ADAMTS17: variants seen among roughly 807,000 people sequenced by gnomAD.
ADAMTS17 encodes A disintegrin and metalloproteinase with thrombospondin motifs 17.
ADAMTS17 carries 113 observed loss-of-function variants against 141.5 expected under a neutral mutation model. The ratio of observed to expected loss-of-function variants is 0.80; its 90% CI spans 0.69 to 0.93. The LOEUF (loss-of-function observed/expected upper bound fraction) is 0.93. Among genes scored for constraint, ADAMTS17 ranks in the 40% least tolerant of loss-of-function variants. ADAMTS17 has a pLI of 0.00. For synonymous variants in ADAMTS17, 768 were observed against 630.6 expected, an observed-to-expected ratio of 1.22 and a Z score of -3.27; for missense variants, 1,659 against 1,517.9, an observed-to-expected ratio of 1.09 and a Z score of -1.54.
intron 15 of ADAMTS17, among the ~76,000 whole-genome samples, chr15:100,069,284 G>C (rs1157754283): frequency 6.6e-6 from 1 of 152,240 alleles, no homozygotes; most frequent in Admixed American, 6.5e-5. Flanking sequence ...ACCTGAAAGT[G>C]ACGGGGAGAA....
chr15:100,104,037 G>C (rs1027215715), intron 14 of ADAMTS17, among the ~76,000 whole-genome samples: 3 of 152,332 alleles, frequency 2.0e-5, no homozygotes, highest in Middle Eastern at 3.4e-3. Context: ...ATGGTACCAA[G>C]GAAGTAGGAA....
At chr15:100,117,083 C>G in intron 12 of ADAMTS17, 70 bp from the exon 13 acceptor site, 5 of 1,529,310 alleles carry the variant, frequency 3.3e-6, no homozygotes, top group South Asian at 2.4e-5. Flanking sequence ...GTTTCCGTCT[C>G]TCTTGCCAGG....
At chr15:100,159,130 CA>C (rs918320150) in intron 8 of ADAMTS17, among the ~76,000 whole-genome samples, 5 of 152,064 alleles carry the variant, frequency 3.3e-5, no homozygotes, top group African/African-American at 7.2e-5. Flanking sequence ...AATATTTACG[CA>C]AAAAAATTGA....
intron 18 of ADAMTS17, among the ~76,000 whole-genome samples, chr15:100,001,917 C>T (rs1471560898): frequency 8.5e-5 from 12 of 141,486 alleles, no homozygotes; most frequent in African/African-American, 2.4e-4. Context: ...TGTAGTGAGC[C>T]GAGATTGCAC....
chr15:100,314,721 G>A (rs1175847011), intron 3 of ADAMTS17, among the ~76,000 whole-genome samples: 2 of 152,310 alleles, frequency 1.3e-5, no homozygotes, highest in East Asian at 1.9e-4. Flanking sequence ...GACAGGCATC[G>A]TCAGACAAGA....
At chr15:100,208,577 C>T (rs916863833) in intron 7 of ADAMTS17, among the ~76,000 whole-genome samples, 1 of 152,204 alleles carries the variant, frequency 6.6e-6, no homozygotes, top group Non-Finnish European at 1.5e-5. Context: ...TGAAGAGGCC[C>T]TGCCCGGGGG....
At chr15:100,030,211 G>T (rs894289772) in intron 18 of ADAMTS17, among the ~76,000 whole-genome samples, 1 of 152,148 alleles carries the variant, frequency 6.6e-6, no homozygotes, top group South Asian at 2.1e-4. Context: ...CCCAGGAAGC[G>T]GATTAAGAGT....
intron 20 of ADAMTS17, among the ~76,000 whole-genome samples, chr15:99,988,696 G>C (rs1305368658): frequency 1.3e-5 from 2 of 152,162 alleles, no homozygotes; most frequent in African/African-American, 4.8e-5. Flanking sequence ...CAGCATGGCT[G>C]GTGAAGAGAG....
At chr15:100,098,629 C>T (rs1238598880) in intron 14 of ADAMTS17, among the ~76,000 whole-genome samples, 2 of 150,904 alleles carry the variant, frequency 1.3e-5, no homozygotes, top group African/African-American at 4.9e-5. Flanking sequence ...CGCCACTGCA[C>T]TCCAGCCTGG....
chr15:100,149,667 C>A (rs1032846611), intron 10 of ADAMTS17, among the ~76,000 whole-genome samples: 1 of 152,174 alleles, frequency 6.6e-6, no homozygotes, highest in Non-Finnish European at 1.5e-5. Flanking sequence ...TGGTCCAATC[C>A]TAGCCAAAAG....
intron 18 of ADAMTS17, among the ~76,000 whole-genome samples, chr15:99,999,806 G>A (rs754634073): frequency 1.3e-5 from 2 of 152,124 alleles, no homozygotes; most frequent in Non-Finnish European, 2.9e-5. Flanking sequence ...AACCAACTGG[G>A]GTGGCGCCGG....
rs2046359156 is a variant in ADAMTS17, at chr15:100,341,314, G to A, written c.175C>T (p.Pro59Ser). Reference sequence around the variant, plus strand: ...GTGCGGGGGCGTCGCCGCCGTCGGGGCCCGGGGGCTGCGGGCAGCGGCGGC... The same window carrying A: ...GTGCGGGGGCGTCGCCGCCGTCGGGACCCGGGGGCTGCGGGCAGCGGCGGC... ...HLPPLPAAPG[P>S]RRRRRPRTPP... Residue 59 changes from proline (P) to serine (S), a missense_variant, in exon 2 of 22, where the codon CCC becomes TCC. Transcript: ENST00000268070. 1.9e-6 allele frequency: 2 copies of A among 1,051,344 alleles called. No individual in the cohort carries two copies. The highest frequency in any genetic ancestry group is 2.3e-6 in the Non-Finnish European group (2 of 875,060). 65.1% of individuals were successfully genotyped at this position (1,051,344 alleles called of 1,614,324 possible).
chr15:100,200,087 C>G (rs552172429), intron 7 of ADAMTS17, among the ~76,000 whole-genome samples: 213 of 152,360 alleles, frequency 1.4e-3, no homozygotes, highest in Non-Finnish European at 2.3e-3. Flanking sequence ...GTCTTGAAGT[C>G]CTCAGTGAGC....
At chr15:100,270,259 C>T (rs909826624) in intron 4 of ADAMTS17, among the ~76,000 whole-genome samples, 1 of 152,180 alleles carries the variant, frequency 6.6e-6, no homozygotes, top group Admixed American at 6.5e-5. Context: ...GGCATTCTTT[C>T]TTGGTGCAGT....
At position 100,152,700 on chromosome 15, in the gene ADAMTS17, G is replaced by A. The variant is rs201356815; in HGVS notation, c.1385C>T (p.Pro462Leu). ...DPRSQHTVRL[P>L]HKLPGMHYSA... ...GTAGTGCATGCCCGGCAGCTTGTGC[G>A]GGAGGCGTACTGTGTGCTGGCTTCT... The change falls in exon 10 of 22, where the codon CCG (proline) becomes CTG (leucine). Residue 462 changes from proline (P) to leucine (L), a missense_variant. By Grantham distance (98) the Pro-to-Leu change is moderately conservative (BLOSUM62 -3). Transcript: ENST00000268070. 134 of 1,614,122 alleles carry A rather than the reference G, an allele frequency of 8.3e-5. No individual in the cohort carries two copies. Among genetic ancestry groups the A allele is most frequent in the East Asian group, 2.7e-4 (12 of 44,896 alleles).
rs559102316 is a variant in ADAMTS17, at chr15:100,155,200, A to G, written c.1302T>C (p.Asp434=). Residue 434 remains aspartate (D), a synonymous_variant, in exon 9 of 22, where the codon GAT becomes GAC. Transcript: ENST00000268070. ...SDLSWSSCSR[D]DLENFLKSKV... is the part of the protein sequence containing the mutation. ...CTTACTTGAGGAAGTTTTCAAGGTC[A>G]TCTCGGCTGCAGGAGGACCAAGAGA... The G allele has an allele frequency of 3.9e-4, 625 of 1,614,242 alleles. 6 individuals are homozygous for G. In the South Asian group the frequency reaches 6.5e-3, roughly 17 times the overall value.
At position 100,133,189 on chromosome 15, in the gene ADAMTS17, G is replaced by A. The variant is rs2038145755; in HGVS notation, c.1575+25C>T. 3.8e-6 allele frequency: 6 copies of A among 1,559,860 alleles called. No individual in the cohort carries two copies. In the South Asian group the frequency reaches 7.0e-5, roughly 18 times the overall value. ...CTGCAAGATGTGGAGCTGCCTGTTG[G>A]GGGCAGTGGGAAGTCAGAGGTTACC... On this transcript the variant is annotated intron_variant, in intron 11 of 21. Coordinates refer to ENST00000268070, the MANE Select transcript of ADAMTS17 (RefSeq NM_139057.4).
chr15:99,998,957 A>G (rs1212094133), intron 18 of ADAMTS17, among the ~76,000 whole-genome samples: 1 of 152,206 alleles, frequency 6.6e-6, no homozygotes, highest in East Asian at 1.9e-4. Context: ...ATCCCGCCCC[A>G]AACCAAGTCT....
At chr15:100,095,543 A>G (rs2035705921) in intron 15 of ADAMTS17, among the ~76,000 whole-genome samples, 1 of 152,126 alleles carries the variant, frequency 6.6e-6, no homozygotes, top group Non-Finnish European at 1.5e-5. Flanking sequence ...TGGAAATTAA[A>G]ATAAGTTTCT....
Sources: allele counts gnomAD v4.1 joint callset (sites outside exome capture counted in the v4.1 genomes callset), GRCh38; gene constraint gnomAD v4.1.1; transcripts MANE v1.5; gene names NCBI Gene and HGNC (gene_info 2026-07-23, HGNC 2026-07-21).